SLC35F3: variants seen among roughly 807,000 people sequenced by gnomAD.
SLC35F3 encodes putative thiamine transporter SLC35F3.
In SLC35F3, 25 loss-of-function variants were observed where a neutral mutation model predicts 49.9. That is an observed-to-expected ratio of 0.50 (90% CI 0.37 to 0.70). The LOEUF (loss-of-function observed/expected upper bound fraction) is 0.70. Ranked by LOEUF, SLC35F3 falls within the 30% of genes least tolerant of loss-of-function variation. The pLI, the probability that SLC35F3 is intolerant of heterozygous loss-of-function variation, is 0.00. For missense variants in SLC35F3, 525 were observed against 639.8 expected (o/e 0.82, Z 1.94); for synonymous variants, 275 against 265.4 (o/e 1.04, Z -0.35).
At chr1:233,963,912 A>G (rs1385377743) in intron 2 of SLC35F3, among the ~76,000 whole-genome samples, 1 of 152,046 alleles carries the variant, frequency 6.6e-6, no homozygotes, top group East Asian at 1.9e-4. Flanking sequence ...TTTTTCTGGG[A>G]TCAGGTTGGC....
At chr1:234,051,203 G>T (rs1458022264) in intron 2 of SLC35F3, among the ~76,000 whole-genome samples, 8 of 152,080 alleles carry the variant, frequency 5.3e-5, no homozygotes, top group Non-Finnish European at 7.4e-5. Context: ...GATTGGGATG[G>T]CATTGAATCT....
At chr1:233,964,889 C>A (rs1288304829) in intron 2 of SLC35F3, among the ~76,000 whole-genome samples, 1 of 152,194 alleles carries the variant, frequency 6.6e-6, no homozygotes, top group Non-Finnish European at 1.5e-5. Flanking sequence ...ACCACACTAA[C>A]ATCAGAGGAA....
At chr1:234,175,187 T>G (rs1433569166) in intron 2 of SLC35F3, among the ~76,000 whole-genome samples, 2 of 152,252 alleles carry the variant, frequency 1.3e-5, no homozygotes, top group African/African-American at 4.8e-5. Flanking sequence ...TTCAATGTAC[T>G]ATTTTATTCA....
At chr1:233,910,861 G>A (rs1278635673) in intron 2 of SLC35F3, among the ~76,000 whole-genome samples, 1 of 152,172 alleles carries the variant, frequency 6.6e-6, no homozygotes, top group Non-Finnish European at 1.5e-5. Context: ...AATGGAATGA[G>A]TTTTAAGTCA....
chr1:234,187,965 G>A (rs1044947519), intron 2 of SLC35F3, among the ~76,000 whole-genome samples: 1 of 152,126 alleles, frequency 6.6e-6, no homozygotes, highest in South Asian at 2.1e-4. Flanking sequence ...GGCCAGGCGC[G>A]GTTTCTCAAC....
chr1:234,273,443 C>G (rs532086351), intron 3 of SLC35F3, among the ~76,000 whole-genome samples: 4 of 152,204 alleles, frequency 2.6e-5, no homozygotes, highest in Non-Finnish European at 4.4e-5. Flanking sequence ...GTCCTGCCCC[C>G]CTATCTGGAG....
chr1:234,260,516 C>G (rs553031470), intron 3 of SLC35F3, among the ~76,000 whole-genome samples: 1 of 152,140 alleles, frequency 6.6e-6, no homozygotes, highest in African/African-American at 2.4e-5. Flanking sequence ...GCCCTCTGGA[C>G]GGAGATCATG....
At chr1:234,204,778 C>G (rs1003266739) in intron 2 of SLC35F3, among the ~76,000 whole-genome samples, 2 of 152,350 alleles carry the variant, frequency 1.3e-5, no homozygotes, top group South Asian at 4.1e-4. Context: ...CAATCAGGAG[C>G]AGGACACACC....
chr1:234,199,089 A>C (rs902218987), intron 2 of SLC35F3, among the ~76,000 whole-genome samples: 2 of 151,350 alleles, frequency 1.3e-5, no homozygotes, highest in Non-Finnish European at 2.9e-5. Flanking sequence ...CTGGCCAGTT[A>C]TGGTGGTGCA....
At chr1:234,264,040 C>T (rs914716114) in intron 3 of SLC35F3, among the ~76,000 whole-genome samples, 2 of 152,132 alleles carry the variant, frequency 1.3e-5, no homozygotes, top group African/African-American at 4.8e-5. Context: ...ACCCAGGAGG[C>T]AGAGGTTGCA....
At chr1:233,968,303 C>T (rs781551708) in intron 2 of SLC35F3, among the ~76,000 whole-genome samples, 28 of 152,050 alleles carry the variant, frequency 1.8e-4, no homozygotes, top group Non-Finnish European at 2.9e-4. Context: ...CTTTTGACTC[C>T]GGTATGACCT....
chr1:234,238,567 A>G (rs1667509896), intron 3 of SLC35F3, among the ~76,000 whole-genome samples: 1 of 152,024 alleles, frequency 6.6e-6, no homozygotes. Context: ...CTTTCATCCT[A>G]TCATTGTGGT....
At chr1:234,157,174 A>T (rs2102911621) in intron 2 of SLC35F3, among the ~76,000 whole-genome samples, 1 of 152,336 alleles carries the variant, frequency 6.6e-6, no homozygotes, top group Non-Finnish European at 1.5e-5. Flanking sequence ...TACTCTTAAC[A>T]ATAGGGGAAA....
intron 2 of SLC35F3, among the ~76,000 whole-genome samples, chr1:234,119,404 G>A (rs1008421380): frequency 2.0e-5 from 3 of 151,448 alleles, no homozygotes; most frequent in Non-Finnish European, 2.9e-5. Flanking sequence ...TGAAAAATCT[G>A]TCTCGTGGCA....
At chr1:234,031,351 C>T (rs1019935989) in intron 2 of SLC35F3, among the ~76,000 whole-genome samples, 1 of 152,198 alleles carries the variant, frequency 6.6e-6, no homozygotes, top group Non-Finnish European at 1.5e-5. Context: ...GACCTGGTCC[C>T]CTCTACACCT....
chr1:233,955,514 A>G (rs998632433), intron 2 of SLC35F3, among the ~76,000 whole-genome samples: 1 of 152,064 alleles, frequency 6.6e-6, no homozygotes, highest in African/African-American at 2.4e-5. Context: ...TTTCTGTGAC[A>G]TTTGTGGGCT....
intron 2 of SLC35F3, among the ~76,000 whole-genome samples, chr1:234,157,743 G>T (rs1666174764): frequency 6.6e-6 from 1 of 152,100 alleles, no homozygotes; most frequent in Non-Finnish European, 1.5e-5. Flanking sequence ...GCTGCTGGTG[G>T]CTCACGTGCA....
chr1:233,911,395 A>AT lies in SLC35F3; in HGVS notation c.283+5641dup, dbSNP rs572424153. Among the ~76,000 whole-genome samples, 16 of 152,310 alleles carry AT rather than the reference A, an allele frequency of 1.1e-4. No homozygotes were observed. In the South Asian group the frequency reaches 3.3e-3, roughly 32 times the overall value. On this transcript the variant is annotated intron_variant, in intron 2 of 7. Coordinates refer to ENST00000366618, the MANE Select transcript of SLC35F3 (RefSeq NM_173508.4). ...GCATATGAAATATGAGATGGAGAAG[A>AT]TTTTAAAAGAAAAGAGTTAGAGGGC...
chr1:234,303,450 T>G (rs1354330744), intron 3 of SLC35F3, among the ~76,000 whole-genome samples: 1 of 152,236 alleles, frequency 6.6e-6, no homozygotes, highest in East Asian at 1.9e-4. Context: ...CTTGCCCGTG[T>G]GGAGCTGGCC....
Sources: gnomAD v4.1 joint callset for allele counts (sites outside exome capture counted in the v4.1 genomes callset) on GRCh38, gnomAD v4.1.1 for gene constraint, MANE v1.5 for transcripts, NCBI Gene and HGNC (gene_info 2026-07-23, HGNC 2026-07-21) for gene names.